PPM1G: variants seen among roughly 807,000 people sequenced by gnomAD.
PPM1G encodes protein phosphatase, Mg2+/Mn2+ dependent 1G.
In PPM1G, 12 loss-of-function variants were observed where a neutral mutation model predicts 59.4. The ratio of observed to expected loss-of-function variants is 0.20; its 90% CI spans 0.13 to 0.33. The LOEUF is 0.33. PPM1G is among the 10% of genes least tolerant of loss of function. PPM1G has a pLI of 1.00. For missense variants in PPM1G, 392 were observed against 681.3 expected, an observed-to-expected ratio of 0.58 and a Z score of 4.73; for synonymous variants, 245 against 251.9, an observed-to-expected ratio of 0.97 and a Z score of 0.26.
intron 1 of PPM1G, among the ~76,000 whole-genome samples, chr2:27,405,453 GTTTT>G (rs747761934): frequency 6.6e-6 from 1 of 151,208 alleles, no homozygotes; most frequent in Non-Finnish European, 1.5e-5. Flanking sequence ...AACTGTGGTG[GTTTT>G]TTTGTTTGTT....
At chr2:27,409,191 G>A in intron 1 of PPM1G, 112 bp downstream of exon 1, 1 of 1,380,518 alleles carries the variant, frequency 7.2e-7, no homozygotes, top group Middle Eastern at 1.9e-4. Context: ...GGCCGCTGCG[G>A]CCGCAGGCTC....
At chr2:27,398,886 T>A (rs1684116804) in intron 1 of PPM1G, among the ~76,000 whole-genome samples, 2 of 151,550 alleles carry the variant, frequency 1.3e-5, no homozygotes, top group African/African-American at 4.9e-5. Flanking sequence ...GGCTCATGAC[T>A]GTAATCCCAG....
chr2:27,385,021 G>A lies in PPM1G; in HGVS notation c.477C>T (p.Arg159=). The change falls in exon 5 of 10, where the codon CGC becomes CGT. Residue 159 remains arginine (R), a synonymous_variant. Transcript: ENST00000344034. This position sits in a 1 kb window ranked among gnomAD's most constrained non-coding sequence, Gnocchi z 4.1. ...GGCCCTTGTGACAGTTCTGCCCGTA[G>A]CGTGTCAGCAGCTCTTCAATAGTCA... The part of the protein sequence containing the change: ...ATMTIEELLT[R]YGQNCHKGPP... 6.2e-7 allele frequency: 1 copy of A among 1,614,010 alleles called. No individual in the cohort carries two copies. Among genetic ancestry groups the A allele is most frequent in the South Asian group, 1.1e-5 (1 of 91,084 alleles).
rs1367267967 is a variant in PPM1G, at chr2:27,409,442, C to T, written c.-20G>A. 1.3e-5 allele frequency: 20 copies of T among 1,498,976 alleles called. No homozygotes were observed. The highest frequency in any genetic ancestry group is 2.9e-5 in the East Asian group (1 of 34,788). 92.9% of individuals were successfully genotyped at this position (1,498,976 alleles called of 1,614,324 possible). A position where few individuals can be genotyped will look rare whatever the true frequency, so the allele number is the denominator to read the frequency against. On this transcript the variant is annotated 5_prime_UTR_variant, in exon 1 of 10. Transcript: ENST00000344034. ...ACCCATGGCGGCGGCTGGCCGGCGG[C>T]CTCAGGTGCAGGAAAGCTGGGCGCG...
chr2:27,387,510 T>C (rs1316156894), intron 1 of PPM1G, among the ~76,000 whole-genome samples: 1 of 152,068 alleles, frequency 6.6e-6, no homozygotes, highest in Non-Finnish European at 1.5e-5. Context: ...TTTTCTTCTT[T>C]TTTTTTTTGA....
intron 1 of PPM1G, chr2:27,392,828 G>C (rs186971833): frequency 2.2e-5 from 33 of 1,487,882 alleles, no homozygotes; most frequent in Non-Finnish European, 4.6e-6. Flanking sequence ...TTGTCAAAGA[G>C]GTATTCTGCC....
intron 1 of PPM1G, among the ~76,000 whole-genome samples, chr2:27,404,483 G>C (rs1313416868): frequency 1.3e-5 from 2 of 151,764 alleles, no homozygotes; most frequent in South Asian, 4.2e-4. Context: ...CCAAGAGGCG[G>C]AAGTTTCAGT....
At chr2:27,408,386 C>T (rs952998649) in intron 1 of PPM1G, among the ~76,000 whole-genome samples, 2 of 152,002 alleles carry the variant, frequency 1.3e-5, no homozygotes, top group African/African-American at 4.8e-5. Flanking sequence ...CCGTCTTCCT[C>T]CCTTTCCTCC....
intron 1 of PPM1G, among the ~76,000 whole-genome samples, chr2:27,395,228 T>A (rs1171174196): frequency 7.6e-6 from 1 of 132,188 alleles, no homozygotes; most frequent in Admixed American, 8.1e-5. Flanking sequence ...AGTGAGACTC[T>A]GTCTCAAAAA....
chr2:27,401,826 C>CG (rs953141857), intron 1 of PPM1G, among the ~76,000 whole-genome samples: 1 of 149,554 alleles, frequency 6.7e-6, no homozygotes, highest in African/African-American at 2.5e-5. Context: ...GACCCTGTCT[C>CG]GAAAAAAGAA....
chr2:27,385,389 C>A lies in PPM1G; in HGVS notation c.410-301G>T, dbSNP rs1683739533. ...CTATTCTGGCTGAGGATCCAGGAAG[C>A]CCACAATGCTACTGTGAATTAGGAT... On this transcript the variant is annotated intron_variant, in intron 4 of 9. Coordinates refer to ENST00000344034, the MANE Select transcript of PPM1G (RefSeq NM_177983.3). This position sits in a 1 kb window ranked among gnomAD's most constrained non-coding sequence, Gnocchi z 4.1. The A allele has an allele frequency of 2.4e-6, 1 of 422,536 alleles. No homozygotes were observed. The highest frequency in any genetic ancestry group is 4.2e-6 in the Non-Finnish European group (1 of 239,560). The allele number at this position is 422,536 out of a possible 1,614,324, so 26.2% of individuals were successfully genotyped here.
chr2:27,393,161 T>G (rs1683958238), intron 1 of PPM1G: 8 of 1,451,210 alleles, frequency 5.5e-6, no homozygotes, highest in Non-Finnish European at 7.6e-6. Context: ...GCTTCATCAA[T>G]TTCTCAGCAT....
At chr2:27,393,274 A>C (rs1683962216) in intron 1 of PPM1G, 6 of 1,594,486 alleles carry the variant, frequency 3.8e-6, no homozygotes, top group Admixed American at 3.3e-5. Context: ...TAAATGGAGG[A>C]GGCGTAGAGC....
At position 27,381,527 on chromosome 2, in the gene PPM1G, A is replaced by G; in HGVS notation, c.*72T>C. 1 of 1,582,146 alleles carries G rather than the reference A, an allele frequency of 6.3e-7. No individual in the cohort carries two copies. Among genetic ancestry groups the G allele is most frequent in the Non-Finnish European group, 8.7e-7 (1 of 1,152,154 alleles). ...CATACCCACTGCTAAGGCTAAAGGA[A>G]AAAGACAAAACTCAGTCTCAGGTCC... is the stretch of plus-strand genomic sequence containing the variant. On this transcript the variant is annotated 3_prime_UTR_variant, in exon 10 of 10. Coordinates refer to ENST00000344034, the MANE Select transcript of PPM1G (RefSeq NM_177983.3).
chr2:27,387,477 C>T (rs532270605), intron 1 of PPM1G, among the ~76,000 whole-genome samples: 13 of 152,076 alleles, frequency 8.5e-5, no homozygotes, highest in Non-Finnish European at 1.0e-4. Context: ...GTGGAAGCTA[C>T]GGGAAAACCA....
chr2:27,396,031 G>A (rs550113102), intron 1 of PPM1G, among the ~76,000 whole-genome samples: 12 of 152,330 alleles, frequency 7.9e-5, no homozygotes, highest in African/African-American at 2.6e-4. Flanking sequence ...AGCACTTTGG[G>A]AGGCCAAGGC....
At chr2:27,397,581 GA>G (rs1486201610) in intron 1 of PPM1G, among the ~76,000 whole-genome samples, 1 of 152,200 alleles carries the variant, frequency 6.6e-6, no homozygotes, top group Non-Finnish European at 1.5e-5. Flanking sequence ...GTAGACTAAA[GA>G]ACAAAACCCT....
intron 1 of PPM1G, among the ~76,000 whole-genome samples, chr2:27,400,809 C>G (rs192291877): frequency 2.8e-4 from 43 of 152,270 alleles, no homozygotes; most frequent in Non-Finnish European, 5.3e-4. Flanking sequence ...CCTGGTTACA[C>G]AGGCAACAGA....
At position 27,382,642 on chromosome 2, in the gene PPM1G, C is replaced by T. The variant is rs755576794; in HGVS notation, c.1202-37G>A. 7 of 1,612,494 alleles carry T rather than the reference C, an allele frequency of 4.3e-6. No homozygotes were observed. The highest frequency in any genetic ancestry group is 1.3e-5 in the African/African-American group (1 of 74,964). On this transcript the variant is annotated intron_variant, in intron 7 of 9. Coordinates refer to ENST00000344034, the MANE Select transcript of PPM1G (RefSeq NM_177983.3). This position sits in a 1 kb window ranked among gnomAD's most constrained non-coding sequence, Gnocchi z 4.2. ...GAATGGTTGATGAGCAGTTTGGATA[C>T]TTCCCACAGACTTGTGTTTGTGGCA...
Sources: allele counts gnomAD v4.1 joint callset (sites outside exome capture counted in the v4.1 genomes callset), GRCh38; gene constraint gnomAD v4.1.1; non-coding constraint Gnocchi (gnomAD v3.1); transcripts MANE v1.5; gene names NCBI Gene and HGNC (gene_info 2026-07-23, HGNC 2026-07-21).